The following MYO1G variants were observed in gnomAD, a reference collection of about 807,000 sequenced individuals.
MYO1G encodes the protein myosin IG.
MYO1G carries 65 observed loss-of-function variants against 115.3 expected under a neutral mutation model. The observed-to-expected ratio is 0.56, with a 90% CI of 0.46 to 0.69. The LOEUF is 0.69. Ranked by LOEUF, MYO1G falls within the 30% of genes least tolerant of loss-of-function variation. MYO1G has a pLI of 0.00. For synonymous variants in MYO1G, 510 were observed against 552.6 expected (o/e 0.92, Z 1.08); for missense variants, 1,204 against 1,393.5 (o/e 0.86, Z 2.16).
intron 6 of MYO1G, 26 bp from the exon 7 acceptor site, chr7:44,971,815 C>G (rs1562831756): frequency 6.7e-7 from 1 of 1,502,622 alleles, no homozygotes; most frequent in African/African-American, 1.4e-5. Flanking sequence ...TTCATCACTC[C>G]AAAGCCACAC....
rs369562485 is a variant in MYO1G at position 44,976,591 on chromosome 7, T to C, written c.371A>G (p.Asn124Ser). ...CTCCACCTCAGCCCTCTGGCTTGGA[T>C]TGGTGACAGCAGCGATGTACTGCAT... ...HIMQYIAAVT[N>S]PSQRAEVERV... The change falls in exon 3 of 22, where the codon AAT (asparagine) becomes AGT (serine). Residue 124 changes from asparagine to serine, a missense_variant. Coordinates refer to ENST00000258787, the MANE Select transcript of MYO1G (RefSeq NM_033054.3). The C allele has an allele frequency of 3.1e-6, 5 of 1,613,976 alleles. No individual in the cohort carries two copies. The highest frequency in any genetic ancestry group is 2.2e-5 in the East Asian group (1 of 44,888).
Position 44,964,328 on chromosome 7 carries a change from C to T in MYO1G, c.2631+87G>A. Reference sequence around the variant, plus strand: ...TGCCTCCATTTTCTCCCAAGTGCCCCCCCAAAACTCTGCACCAGCTTCTAA... The same window carrying T: ...TGCCTCCATTTTCTCCCAAGTGCCCTCCCAAAACTCTGCACCAGCTTCTAA... On this transcript the variant is annotated intron_variant, in intron 19 of 21. Transcript: ENST00000258787. The surrounding 1 kb of genome is among the most constrained non-coding windows in gnomAD (Gnocchi z 5.1). 1 of 1,413,322 alleles carries T rather than the reference C, an allele frequency of 7.1e-7. No individual in the cohort carries two copies. The highest frequency in any genetic ancestry group is 1.0e-6 in the Non-Finnish European group (1 of 1,000,292). The allele number at this position is 1,413,322 out of a possible 1,614,324, so 87.5% of individuals were successfully genotyped here.
Position 44,975,604 on chromosome 7 carries a change from A to G in MYO1G, c.444T>C (p.Phe148=), listed in dbSNP as rs758646550. ...GATTGCGGTTGGTGCGGGCATTGCC[A>G]AAGGCCTCCAGCACACAGGTGGACT... ...LLKSTCVLEA[F]GNARTNRNHN... The change falls in exon 4 of 22, where the codon TTT becomes TTC. Residue 148 remains phenylalanine, a synonymous_variant. Coordinates refer to ENST00000258787, the MANE Select transcript of MYO1G (RefSeq NM_033054.3). 1 of 1,613,810 alleles carries G rather than the reference A, an allele frequency of 6.2e-7. No individual in the cohort carries two copies. The highest frequency in any genetic ancestry group is 8.5e-7 in the Non-Finnish European group (1 of 1,179,800).
chr7:44,967,018 G>A (rs995986555), intron 14 of MYO1G, among the ~76,000 whole-genome samples, 180 bp from the exon 15 acceptor site: 2 of 152,216 alleles, frequency 1.3e-5, no homozygotes, highest in African/African-American at 4.8e-5. Context: ...GGCCAGCAAG[G>A]CCAGGTTCAG....
At position 44,972,141 on chromosome 7, in the gene MYO1G, C is replaced by T; in HGVS notation, c.703G>A (p.Ala235Thr). Residue 235 changes from alanine (A) to threonine (T), a missense_variant, in exon 6 of 22, where the codon GCA (alanine) becomes ACA (threonine). Ala to Thr is a moderately conservative substitution (Grantham distance 58). Coordinates refer to ENST00000258787, the MANE Select transcript of MYO1G (RefSeq NM_033054.3). ...CTGTGCACAGTCATGTTGAGTCCTG[C>T]TCCCTGGTGTGTGAAATTGTATACA... ...PAVYNFTHQGAGLNMTVHSAL... is the reference protein window; with the variant it reads ...PAVYNFTHQGTGLNMTVHSAL... 6.2e-7 allele frequency: 1 copy of T among 1,614,052 alleles called. No individual in the cohort carries two copies. The highest frequency in any genetic ancestry group is 8.5e-7 in the Non-Finnish European group (1 of 1,179,924).
chr7:44,975,151 C>T, intron 5 of MYO1G, 23 bp downstream of exon 5: 1 of 1,613,648 alleles, frequency 6.2e-7, no homozygotes, highest in Non-Finnish European at 8.5e-7. Context: ...ATTTTTCCAC[C>T]TCCCCTTGCC....
chr7:44,967,182 T>C (rs10229130), intron 14 of MYO1G, among the ~76,000 whole-genome samples: 136,657 of 152,254 alleles, frequency 0.9, 61,537 homozygotes, highest in African/African-American at 0.97. Context: ...GTCCTCTCCC[T>C]GACCCTTCAC....
At chr7:44,967,282 T>C (rs1271515278) in intron 14 of MYO1G, among the ~76,000 whole-genome samples, 1 of 152,230 alleles carries the variant, frequency 6.6e-6, no homozygotes, top group Non-Finnish European at 1.5e-5. Context: ...AGAAGAATCC[T>C]GGGTTTTTGC....
At position 44,976,073 on chromosome 7, in the gene MYO1G, G is replaced by A. The variant is rs183270409; in HGVS notation, c.399-424C>T. Among the ~76,000 whole-genome samples the A allele has an allele frequency of 1.6e-4, 24 of 152,306 alleles. No homozygotes were observed. In the East Asian group the frequency reaches 4.2e-3, roughly 27 times the overall value. On this transcript the variant is annotated intron_variant, in intron 3 of 21. Coordinates refer to ENST00000258787, the MANE Select transcript of MYO1G (RefSeq NM_033054.3). ...GCTTGTCCCCCCTGAATCCCATCTC[G>A]CTGCCTCTTGATAGGAAGAGACAGG... is the stretch of plus-strand genomic sequence containing the variant.
At chr7:44,971,634 T>TG (rs1162423335) in intron 7 of MYO1G, 39 bp downstream of exon 7, 1 of 1,460,570 alleles carries the variant, frequency 6.8e-7, no homozygotes, top group East Asian at 2.4e-5. Flanking sequence ...GAAACCCTTG[T>TG]GGGGAAGTAG....
chr7:44,962,806 G>C lies in MYO1G; in HGVS notation c.2990C>G (p.Pro997Arg), dbSNP rs1236319681. Residue 997 changes from proline to arginine, a missense_variant, in exon 22 of 22, where the codon CCG becomes CGG. Coordinates refer to ENST00000258787, the MANE Select transcript of MYO1G (RefSeq NM_033054.3). This position sits in a 1 kb window ranked among gnomAD's most constrained non-coding sequence, Gnocchi z 5.3. ...VRRLISVEPR[P>R]EQPEPDFRCA... ...GCGGAAATCGGGCTCTGGCTGCTCC[G>C]GCCTGGGCTCCACGGAGATGAGGCG... 2.0e-6 allele frequency: 3 copies of C among 1,519,438 alleles called. No homozygotes were observed. The African/African-American group carries it at 4.3e-5, about 22-fold the overall frequency. 94.1% of individuals were successfully genotyped at this position (1,519,438 alleles called of 1,614,324 possible).
At chr7:44,967,429 A>G (rs959074990) in intron 14 of MYO1G, among the ~76,000 whole-genome samples, 176 bp downstream of exon 14, 1 of 152,124 alleles carries the variant, frequency 6.6e-6, no homozygotes, top group Non-Finnish European at 1.5e-5. Context: ...GAGGCCCCAC[A>G]TCTCACCTGT....
In MYO1G at chr7:44,965,777, C is replaced by T. The variant is rs747209671; in HGVS notation, c.2241G>A (p.Lys747=). 4 of 1,606,912 alleles carry T rather than the reference C, an allele frequency of 2.5e-6. No homozygotes were observed. In the African/African-American group the frequency reaches 4.0e-5, roughly 16 times the overall value. The change falls in exon 17 of 22, where the codon AAG becomes AAA. Residue 747 remains lysine (K), a synonymous_variant. Transcript: ENST00000258787. ...GCAGCTCAGCCAGGTGAGCCCGCAC[C>T]TTGTGTCTCCGGAACCAGCGCATGA... ...YTIMRWFRRH[K]VRAHLAELQR...
In MYO1G at chr7:44,964,914, C is replaced by T; in HGVS notation, c.2526+31G>A. 6.3e-7 allele frequency: 1 copy of T among 1,579,644 alleles called. No individual in the cohort carries two copies. Among genetic ancestry groups the T allele is most frequent in the East Asian group, 2.3e-5 (1 of 44,100 alleles). ...AGCCCTCTTTGGCAGCCCACTTCCCCCTGGCAGCCCTGGACTCGCCTGGCA... is the reference window on the plus strand; with the variant it reads ...AGCCCTCTTTGGCAGCCCACTTCCCTCTGGCAGCCCTGGACTCGCCTGGCA... On this transcript the variant is annotated intron_variant, in intron 18 of 21. Coordinates refer to ENST00000258787, the MANE Select transcript of MYO1G (RefSeq NM_033054.3). This position sits in a 1 kb window ranked among gnomAD's most constrained non-coding sequence, Gnocchi z 5.1.
chr7:44,971,938 T>C (rs988195596), intron 6 of MYO1G, 149 bp from the exon 7 acceptor site: 2 of 754,602 alleles, frequency 2.7e-6, no homozygotes, highest in Admixed American at 2.2e-5. Flanking sequence ...AAGCACCTGC[T>C]CACCCCTGCA....
chr7:44,970,997 G>A lies in MYO1G; in HGVS notation c.909C>T (p.Ala303=), dbSNP rs146620503. Residue 303 remains alanine (A), a synonymous_variant, in exon 8 of 22, where the codon GCC becomes GCT. Coordinates refer to ENST00000258787, the MANE Select transcript of MYO1G (RefSeq NM_033054.3). The part of the protein sequence containing the change: ...GGLQKEGLAV[A]EEALVDHVAE... ...CCACATGGTCCACCAGTGCCTCCTCGGCCACTGCCAGGCCCTCCTTCTGCA... is the reference window on the plus strand; with the variant it reads ...CCACATGGTCCACCAGTGCCTCCTCAGCCACTGCCAGGCCCTCCTTCTGCA... 5.0e-5 allele frequency: 81 copies of A among 1,613,262 alleles called. No individual in the cohort carries two copies. The highest frequency in any genetic ancestry group is 5.8e-5 in the Non-Finnish European group (69 of 1,179,984).
rs933845034 is a variant in MYO1G at position 44,975,623 on chromosome 7, G to A, written c.425C>T (p.Thr142Ile). The change falls in exon 4 of 22, where the codon ACC (threonine) becomes ATC (isoleucine). Residue 142 changes from threonine to isoleucine, a missense_variant. Thr to Ile is a moderately conservative substitution (Grantham distance 89). Transcript: ENST00000258787. ...ATTGCCAAAGGCCTCCAGCACACAG[G>A]TGGACTTGAGCAGCACGTCCTTGAC... Reference protein sequence around the residue: ...ERVKDVLLKSTCVLEAFGNAR... With the variant: ...ERVKDVLLKSICVLEAFGNAR... The A allele has an allele frequency of 6.2e-7, 1 of 1,613,242 alleles. No individual in the cohort carries two copies. Among genetic ancestry groups the A allele is most frequent in the Non-Finnish European group, 8.5e-7 (1 of 1,179,422 alleles).
Position 44,964,296 on chromosome 7 carries a change from C to T in MYO1G, c.2631+119G>A. The T allele has an allele frequency of 7.7e-7, 1 of 1,292,284 alleles. No individual in the cohort carries two copies. Among genetic ancestry groups the T allele is most frequent in the African/African-American group, 1.5e-5 (1 of 68,446 alleles). 80.1% of individuals were successfully genotyped at this position (1,292,284 alleles called of 1,614,324 possible). On this transcript the variant is annotated intron_variant, in intron 19 of 21. Coordinates refer to ENST00000258787, the MANE Select transcript of MYO1G (RefSeq NM_033054.3). This position sits in a 1 kb window ranked among gnomAD's most constrained non-coding sequence, Gnocchi z 5.1. ...AGTGTCAGGAGCAGCTGGGCCTGGG[C>T]TGGGGTTGCCTCCATTTTCTCCCAA...
intron 9 of MYO1G, 52 bp from the exon 10 acceptor site, chr7:44,970,206 T>C (rs1282994114): frequency 8.2e-7 from 1 of 1,225,056 alleles, no homozygotes; most frequent in African/African-American, 1.5e-5. Context: ...GTGGAGTGCA[T>C]GGTAATGGGT....
Sources: allele counts gnomAD v4.1 joint callset (sites outside exome capture counted in the v4.1 genomes callset), GRCh38; gene constraint gnomAD v4.1.1; non-coding constraint Gnocchi (gnomAD v3.1); transcripts MANE v1.5; gene names NCBI Gene and HGNC (gene_info 2026-07-23, HGNC 2026-07-21).